The following DIAPH3 variants were observed in gnomAD, a reference collection of about 807,000 sequenced individuals.
The protein encoded by DIAPH3 is protein diaphanous homolog 3.
A neutral mutation model predicts 144.3 loss-of-function variants in DIAPH3; 117 were observed. The ratio of observed to expected loss-of-function variants is 0.81; its 90% CI spans 0.70 to 0.95. DIAPH3 has a LOEUF of 0.95. Among genes scored for constraint, DIAPH3 ranks in the 40% least tolerant of loss-of-function variants. The probability of loss-of-function intolerance (pLI) is 0.00; values close to 1 mark genes in which losing one functional copy is unlikely to be tolerated. For synonymous variants in DIAPH3, 519 were observed against 488.9 expected, an observed-to-expected ratio of 1.06 and a Z score of -0.81; for missense variants, 1,421 against 1,412.7, an observed-to-expected ratio of 1.01 and a Z score of -0.09.
intron 4 of DIAPH3, among the ~76,000 whole-genome samples, chr13:60,092,425 G>C (rs1366952578): frequency 6.6e-6 from 1 of 152,160 alleles, no homozygotes; most frequent in Non-Finnish European, 1.5e-5. Flanking sequence ...GGCCAAGGCG[G>C]GCGGATCACG....
At chr13:59,948,840 A>AGAAGGAAG (rs202029127) in intron 17 of DIAPH3, among the ~76,000 whole-genome samples, 1,926 of 133,494 alleles carry the variant, frequency 0.014, 20 homozygotes, top group Non-Finnish European at 0.016. Context: ...ATAAAAAGAA[A>AGAAGGAAG]GAAGGAAGGA....
At chr13:59,868,611 C>T (rs1566439890) in intron 21 of DIAPH3, among the ~76,000 whole-genome samples, 1 of 152,026 alleles carries the variant, frequency 6.6e-6, no homozygotes, top group Non-Finnish European at 1.5e-5. Context: ...TCTTTGTGTT[C>T]TGCAGTTCTA....
At chr13:59,868,714 C>A (rs1332634397) in intron 21 of DIAPH3, among the ~76,000 whole-genome samples, 3 of 152,106 alleles carry the variant, frequency 2.0e-5, no homozygotes, top group Non-Finnish European at 2.9e-5. Context: ...CTCACCTATT[C>A]ATTCCTTCCT....
intron 25 of DIAPH3, among the ~76,000 whole-genome samples, chr13:59,781,410 C>A (rs952447427): frequency 6.6e-6 from 1 of 152,090 alleles, no homozygotes; most frequent in African/African-American, 2.4e-5. Context: ...TGTGCTTTTG[C>A]AAAACCAAAA....
chr13:59,756,850 A>C (rs753469449), intron 27 of DIAPH3, among the ~76,000 whole-genome samples: 2 of 152,234 alleles, frequency 1.3e-5, no homozygotes, highest in Non-Finnish European at 2.9e-5. Flanking sequence ...TGATAAAAAC[A>C]TACAAATAAA....
At chr13:59,885,418 TA>T (rs1170871113) in intron 20 of DIAPH3, among the ~76,000 whole-genome samples, 3 of 117,176 alleles carry the variant, frequency 2.6e-5, no homozygotes. Context: ...AACTATACGG[TA>T]AACAGTTTAT....
intron 4 of DIAPH3, among the ~76,000 whole-genome samples, chr13:60,072,449 T>C (rs1250851526): frequency 2.0e-5 from 3 of 152,218 alleles, no homozygotes; most frequent in Non-Finnish European, 2.9e-5. Flanking sequence ...AACCAATCTA[T>C]AGCAGGCCAT....
chr13:59,820,403 T>C (rs1351117621), intron 24 of DIAPH3, among the ~76,000 whole-genome samples: 2 of 151,990 alleles, frequency 1.3e-5, no homozygotes, highest in Non-Finnish European at 2.9e-5. Context: ...TTAATTTACA[T>C]ATATATGCAC....
rs141985680 is a variant in DIAPH3 at position 59,700,893 on chromosome 13, C to T, written c.3320-34047G>A. On this transcript the variant is annotated intron_variant, in intron 27 of 27. Coordinates refer to ENST00000400324, the MANE Select transcript of DIAPH3 (RefSeq NM_001042517.2). ...TCGGTAATTTATCAAAAATCATTTC[C>T]GTTAATAGTTCCTTTTATTATTTTA... Among the ~76,000 whole-genome samples the T allele has an allele frequency of 1.3e-3, 192 of 152,098 alleles. 1 individual carries two copies. The highest frequency in any genetic ancestry group is 4.4e-3 in the African/African-American group (183 of 41,492).
intron 25 of DIAPH3, among the ~76,000 whole-genome samples, chr13:59,781,856 A>T (rs149184990): frequency 4.7e-4 from 72 of 152,286 alleles, no homozygotes; most frequent in African/African-American, 1.7e-3. Context: ...GGAGGGCAGA[A>T]ATCTCATGAA....
chr13:60,102,770 G>A (rs1016378878), intron 3 of DIAPH3, among the ~76,000 whole-genome samples: 4 of 152,094 alleles, frequency 2.6e-5, no homozygotes, highest in African/African-American at 4.8e-5. Flanking sequence ...TCAATATAAC[G>A]ACTGACCCCT....
At chr13:60,120,749 A>G (rs1199442601) in intron 2 of DIAPH3, among the ~76,000 whole-genome samples, 1 of 152,150 alleles carries the variant, frequency 6.6e-6, no homozygotes, top group African/African-American at 2.4e-5. Context: ...ATTAGCACCC[A>G]CTTGCCAGTC....
chr13:59,763,709 C>T (rs1414300492), intron 27 of DIAPH3, among the ~76,000 whole-genome samples: 6 of 152,012 alleles, frequency 3.9e-5, no homozygotes, highest in Admixed American at 3.9e-4. Flanking sequence ...TTTGATATCC[C>T]TGAAATTATA....
At chr13:59,960,894 C>T (rs61956748) in intron 17 of DIAPH3, among the ~76,000 whole-genome samples, 1,763 of 151,782 alleles carry the variant, frequency 0.012, 18 homozygotes, top group Non-Finnish European at 0.02. Context: ...CAAATAAAAA[C>T]GAGCTTTATA....
chr13:59,832,420 A>T (rs1041251208), intron 24 of DIAPH3, among the ~76,000 whole-genome samples: 2 of 151,798 alleles, frequency 1.3e-5, no homozygotes, highest in Non-Finnish European at 2.9e-5. Context: ...GCCACAAACA[A>T]TTGCTAAAAT....
intron 1 of DIAPH3, among the ~76,000 whole-genome samples, chr13:60,138,568 A>G (rs1248065231): frequency 2.0e-5 from 3 of 152,186 alleles, no homozygotes; most frequent in Non-Finnish European, 4.4e-5. Flanking sequence ...TAATTCAACA[A>G]TCTCTGGTAT....
At chr13:59,880,978 C>CAAAA (rs77481523) in intron 20 of DIAPH3, among the ~76,000 whole-genome samples, 3,535 of 64,508 alleles carry the variant, frequency 0.055, 46 homozygotes, top group Non-Finnish European at 0.067. Context: ...CAACAAGGAC[C>CAAAA]AAAAAAAAAA....
intron 16 of DIAPH3, 29 bp downstream of exon 16, chr13:59,970,816 TAAGTAAA>T (rs1396910064): frequency 3.2e-6 from 5 of 1,574,972 alleles, no homozygotes; most frequent in Non-Finnish European, 3.5e-6. Flanking sequence ...GATTTAGATC[TAAGTAAA>T]AGTATTTTCC....
intron 5 of DIAPH3, among the ~76,000 whole-genome samples, chr13:60,020,633 G>A (rs552543158): frequency 2.6e-5 from 4 of 152,264 alleles, no homozygotes; most frequent in Middle Eastern, 3.4e-3. Context: ...CAAAAGTGCT[G>A]GGATTACAGG....
Sources: gnomAD v4.1 joint callset for allele counts (sites outside exome capture counted in the v4.1 genomes callset) on GRCh38, gnomAD v4.1.1 for gene constraint, MANE v1.5 for transcripts, NCBI Gene and HGNC (gene_info 2026-07-23, HGNC 2026-07-21) for gene names.